MAP3K5: variants seen among roughly 807,000 people sequenced by gnomAD.
The protein encoded by MAP3K5 is ASK-1.
A neutral mutation model predicts 158.7 loss-of-function variants in MAP3K5; 56 were observed. That is an observed-to-expected ratio of 0.35 (90% confidence interval 0.28 to 0.44). MAP3K5 has a LOEUF of 0.44. Ranked by LOEUF, MAP3K5 falls within the 20% of genes least tolerant of loss-of-function variation. The pLI is 1.00. For missense variants in MAP3K5, 1,294 were observed against 1,674.8 expected (o/e 0.77, Z 3.97); for synonymous variants, 579 against 601.7 (o/e 0.96, Z 0.55).
Position 136,720,546 on chromosome 6 carries a change from G to A in MAP3K5, c.492C>T (p.Ser164=). 6.2e-7 allele frequency: 1 copy of A among 1,613,130 alleles called. No homozygotes were observed. Among genetic ancestry groups the A allele is most frequent in the Non-Finnish European group, 8.5e-7 (1 of 1,179,486 alleles). The part of the protein sequence containing the change: ...VEMSDAFRQP[S]LFYHLGVRES... The stretch of plus-strand genomic sequence containing the variant: ...CTCTCACCCCAAGGTGGTAAAACAA[G>A]GACGGCTGCCGGAAGGCATCGCTCA... The change falls in exon 2 of 30, where the codon TCC becomes TCT. Residue 164 remains serine (S), a synonymous_variant. Transcript: ENST00000359015.
At chr6:136,597,599 G>A (rs1775690064) in intron 21 of MAP3K5, among the ~76,000 whole-genome samples, 1 of 152,180 alleles carries the variant, frequency 6.6e-6, no homozygotes, top group Non-Finnish European at 1.5e-5. Flanking sequence ...CAGAATTCCA[G>A]CTTGCACCTC....
At chr6:136,700,393 C>T (rs796601951) in intron 3 of MAP3K5, among the ~76,000 whole-genome samples, 57 of 152,148 alleles carry the variant, frequency 3.7e-4, no homozygotes, top group African/African-American at 1.3e-3. Flanking sequence ...CTGATAACAA[C>T]CTGAGAAAGG....
At chr6:136,599,522 C>T (rs546674570) in intron 21 of MAP3K5, among the ~76,000 whole-genome samples, 1 of 151,842 alleles carries the variant, frequency 6.6e-6, no homozygotes, top group South Asian at 2.1e-4. Flanking sequence ...ACGCTCTTGC[C>T]AAGTGTGTAT....
At chr6:136,639,845 C>T (rs1777837231) in intron 12 of MAP3K5, among the ~76,000 whole-genome samples, 1 of 152,222 alleles carries the variant, frequency 6.6e-6, no homozygotes, top group Non-Finnish European at 1.5e-5. Flanking sequence ...TCCTCCTCAT[C>T]TCTGCAGAGC....
chr6:136,569,234 C>T (rs371429717), intron 25 of MAP3K5, among the ~76,000 whole-genome samples: 2 of 152,176 alleles, frequency 1.3e-5, no homozygotes, highest in South Asian at 2.1e-4. Flanking sequence ...TATTTTGGAA[C>T]GGTCCTGCAA....
At chr6:136,698,801 ATTAT>A (rs745491378) in intron 3 of MAP3K5, 119 bp from the exon 4 acceptor site, 12 of 688,246 alleles carry the variant, frequency 1.7e-5, no homozygotes, top group Non-Finnish European at 2.9e-5. Context: ...GAAAAGCCTC[ATTAT>A]TTATTTATGA....
intron 1 of MAP3K5, among the ~76,000 whole-genome samples, chr6:136,735,755 G>C (rs1326710957): frequency 6.6e-6 from 1 of 152,090 alleles, no homozygotes; most frequent in Non-Finnish European, 1.5e-5. Flanking sequence ...CTTGGGCCCG[G>C]GAGTTCAAGG....
At chr6:136,784,197 A>C (rs1470246517) in intron 1 of MAP3K5, among the ~76,000 whole-genome samples, 3 of 152,192 alleles carry the variant, frequency 2.0e-5, no homozygotes, top group Non-Finnish European at 4.4e-5. Context: ...ACAGGTGACC[A>C]AATTAAGGAA....
intron 1 of MAP3K5, among the ~76,000 whole-genome samples, chr6:136,773,707 G>A (rs1784300731): frequency 6.6e-6 from 1 of 152,114 alleles, no homozygotes; most frequent in African/African-American, 2.4e-5. Context: ...GAGTGCAGTG[G>A]TACGATCTCA....
At chr6:136,603,858 C>T (rs887036603) in intron 19 of MAP3K5, among the ~76,000 whole-genome samples, 1 of 152,232 alleles carries the variant, frequency 6.6e-6, no homozygotes, top group Non-Finnish European at 1.5e-5. Context: ...TCACACTACT[C>T]ATTTTTATAC....
At chr6:136,623,679 T>C (rs1425616691) in intron 14 of MAP3K5, among the ~76,000 whole-genome samples, 2 of 152,168 alleles carry the variant, frequency 1.3e-5, no homozygotes, top group East Asian at 3.9e-4. Flanking sequence ...TCTGGAGGCA[T>C]CACCCCAAAG....
chr6:136,729,248 T>G (rs961573559), intron 1 of MAP3K5, among the ~76,000 whole-genome samples: 1 of 152,044 alleles, frequency 6.6e-6, no homozygotes, highest in Admixed American at 6.5e-5. Flanking sequence ...TCCAGAAGAG[T>G]AATGAGCATG....
chr6:136,721,130 C>G (rs760266045), intron 1 of MAP3K5, among the ~76,000 whole-genome samples: 1 of 151,150 alleles, frequency 6.6e-6, no homozygotes, highest in African/African-American at 2.4e-5. Flanking sequence ...TACTGGAAAC[C>G]GAGGAGAATT....
chr6:136,760,721 G>A (rs561966272), intron 1 of MAP3K5, among the ~76,000 whole-genome samples: 56 of 152,272 alleles, frequency 3.7e-4, no homozygotes, highest in African/African-American at 1.2e-3. Flanking sequence ...TGTAATCCCA[G>A]CACTTTGGGA....
chr6:136,660,449 G>A (rs2114471003), intron 8 of MAP3K5, among the ~76,000 whole-genome samples: 1 of 152,194 alleles, frequency 6.6e-6, no homozygotes, highest in South Asian at 2.1e-4. Flanking sequence ...TAGACTGACA[G>A]ATAATACTGT....
chr6:136,720,626 C>T (rs1781709976), intron 1 of MAP3K5, 37 bp from the exon 2 acceptor site: 5 of 1,551,310 alleles, frequency 3.2e-6, no homozygotes, highest in South Asian at 2.4e-5. Flanking sequence ...AAGAATGACA[C>T]CCAAATAATG....
chr6:136,611,237 T>C (rs1776331184), intron 18 of MAP3K5, 45 bp downstream of exon 18: 2 of 1,214,648 alleles, frequency 1.6e-6, no homozygotes, highest in East Asian at 4.7e-5. Flanking sequence ...TCAGCAATTA[T>C]TTCTTTAATT....
At chr6:136,612,981 T>C (rs1306755012) in intron 17 of MAP3K5, 139 bp downstream of exon 17, 9 of 796,540 alleles carry the variant, frequency 1.1e-5, no homozygotes, top group Non-Finnish European at 1.5e-5. Context: ...GGTTGAACGA[T>C]ATTTTATATT....
intron 7 of MAP3K5, among the ~76,000 whole-genome samples, chr6:136,686,462 A>G (rs1780152042): frequency 6.6e-6 from 1 of 152,212 alleles, no homozygotes; most frequent in African/African-American, 2.4e-5. Context: ...ATATTCATAT[A>G]GGAAGAGCGG....
Sources: allele counts gnomAD v4.1 joint callset (sites outside exome capture counted in the v4.1 genomes callset), GRCh38; gene constraint gnomAD v4.1.1; transcripts MANE v1.5; gene names NCBI Gene and HGNC (gene_info 2026-07-23, HGNC 2026-07-21).